The following ZNF717 variants were observed in gnomAD, a reference collection of about 807,000 sequenced individuals.
ZNF717 encodes the protein zinc finger protein 717.
Under a neutral mutation model 13.8 loss-of-function variants are expected in ZNF717, and 9 were observed. The ratio of observed to expected loss-of-function variants is 0.65; its 90% CI spans 0.39 to 1.14. The LOEUF (loss-of-function observed/expected upper bound fraction) is 1.14. Ranked by LOEUF, ZNF717 falls within the 50% of genes most tolerant of loss-of-function variation. The pLI is 0.01. For synonymous variants in ZNF717, 327 were observed against 364.1 expected (o/e 0.90, Z 1.16); for missense variants, 1,040 against 1,080.7 (o/e 0.96, Z 0.53).
At chr3:75,740,970 T>TC (rs1940342694) in intron 4 of ZNF717, among the ~76,000 whole-genome samples, 1 of 152,082 alleles carries the variant, frequency 6.6e-6, no homozygotes, top group African/African-American at 2.4e-5. Context: ...AAAAAAATTT[T>TC]TAAGATACTA....
intron 2 of ZNF717, among the ~76,000 whole-genome samples, chr3:75,771,845 C>T (rs1943912901): frequency 1.3e-5 from 2 of 152,278 alleles, no homozygotes; most frequent in Admixed American, 6.5e-5. Context: ...CCTGCCCCTG[C>T]AGGCTCAGTC....
intron 4 of ZNF717, among the ~76,000 whole-genome samples, chr3:75,719,840 C>A (rs1465409721): frequency 6.6e-6 from 1 of 152,114 alleles, no homozygotes; most frequent in African/African-American, 2.4e-5. Flanking sequence ...TGTCTGTAAT[C>A]CCAGCTACTC....
intron 2 of ZNF717, among the ~76,000 whole-genome samples, chr3:75,771,950 G>A (rs62268133): frequency 0.15 from 23,407 of 151,256 alleles, 614 homozygotes; most frequent in African/African-American, 0.17. Flanking sequence ...GTCGCAACCC[G>A]GCCCGGTGTG....
chr3:75,713,773 G>A (rs1401740641), intron 5 of ZNF717, among the ~76,000 whole-genome samples: 19 of 152,188 alleles, frequency 1.2e-4, no homozygotes, highest in African/African-American at 4.3e-4. Context: ...AGAAAAGACA[G>A]CTGGGCCCAG....
chr3:75,710,868 G>C (rs80306656), exon 6 of ZNF717: 1 of 152,012 alleles, frequency 6.6e-6, no homozygotes, highest in South Asian at 2.1e-4. Context: ...TACTAACAGA[G>C]GCATTATAGT....
chr3:75,740,570 AT>A (rs63657763), intron 4 of ZNF717, among the ~76,000 whole-genome samples: 84,990 of 125,064 alleles, frequency 0.68, 26,157 homozygotes, highest in South Asian at 0.77. Context: ...GTACTCAGCT[AT>A]TTTTTTTTTT....
intron 5 of ZNF717, among the ~76,000 whole-genome samples, chr3:75,715,547 A>G (rs73841550): frequency 7.2e-5 from 11 of 152,216 alleles, no homozygotes. Context: ...GTATTCTGTC[A>G]TTGTACACAA....
chr3:75,773,757 C>A (rs79915476), intron 2 of ZNF717, among the ~76,000 whole-genome samples: 13,929 of 78,304 alleles, frequency 0.18, 672 homozygotes, highest in African/African-American at 0.29. Flanking sequence ...CTATCTTTAA[C>A]AAAAAAAAAT....
chr3:75,722,569 C>T (rs150867861), intron 4 of ZNF717, among the ~76,000 whole-genome samples: 1 of 152,088 alleles, frequency 6.6e-6, no homozygotes, highest in Non-Finnish European at 1.5e-5. Flanking sequence ...AATCCCAGCA[C>T]TTTCAGAGGC....
At chr3:75,697,925 A>T (rs1459401149) in intron 6 of ZNF717, among the ~76,000 whole-genome samples, 3 of 152,304 alleles carry the variant, frequency 2.0e-5, no homozygotes, top group African/African-American at 4.8e-5. Context: ...GGCTGGGCTG[A>T]GGAGGTCTCA....
Position 75,741,282 on chromosome 3 carries a change from G to A in ZNF717, c.271C>T (p.Leu91Phe). The A allele has an allele frequency of 1.8e-5, 28 of 1,541,544 alleles. No homozygotes were observed. The highest frequency in any genetic ancestry group is 2.5e-5 in the Non-Finnish European group (28 of 1,137,986). ...CTGGTATTCACTGACTGACCTGAAA[G>A]TCTCAGGTTTGGGGTTTCTTCTACT... ...WIVEETPNLR[L>F]SAVQIIDDLI... The change falls in exon 4 of 5, where the codon CTT becomes TTT. Residue 91 changes from leucine to phenylalanine, a missense_variant. Leu to Phe is a conservative substitution (Grantham distance 22). Coordinates refer to ENST00000652011, the MANE Select transcript of ZNF717 (RefSeq NM_001290208.3).
Position 75,737,937 on chromosome 3 carries a change from G to A in ZNF717, c.1686C>T (p.Pro562=), listed in dbSNP as rs1198183975. 3.7e-5 allele frequency: 58 copies of A among 1,551,124 alleles called. No homozygotes were observed. The African/African-American group carries it at 6.4e-4, about 17-fold the overall frequency. Residue 562 remains proline (P), a synonymous_variant, in exon 5 of 5, where the codon CCC becomes CCT. Coordinates refer to ENST00000652011, the MANE Select transcript of ZNF717 (RefSeq NM_001290208.3). The part of the protein sequence containing the change: ...VHHRTHTGEK[P]YECNECGKSF... Reference sequence around the variant, plus strand: ...ATTTTCCACATTCATTACATTCATAGGGTTTTTCCCCTGTGTGAGTTCTGT... The same window carrying A: ...ATTTTCCACATTCATTACATTCATAAGGTTTTTCCCCTGTGTGAGTTCTGT...
chr3:75,700,781 A>T (rs1937677788), intron 6 of ZNF717, among the ~76,000 whole-genome samples: 1 of 152,286 alleles, frequency 6.6e-6, no homozygotes, highest in Non-Finnish European at 1.5e-5. Flanking sequence ...CACATACAAA[A>T]ATCAAATTAA....
chr3:75,784,357 C>T (rs1317611937), intron 1 of ZNF717, among the ~76,000 whole-genome samples: 4 of 152,150 alleles, frequency 2.6e-5, no homozygotes, highest in Non-Finnish European at 5.9e-5. Context: ...AACTGTTACA[C>T]CTAAGTGAAC....
chr3:75,704,769 C>T (rs879375531), downstream of ZNF717, among the ~76,000 whole-genome samples: 2 of 152,222 alleles, frequency 1.3e-5, no homozygotes, highest in South Asian at 2.1e-4. Context: ...AGGAAAGAGG[C>T]CCCAAACAGT....
At chr3:75,706,728 T>A (rs1300914876), downstream of ZNF717, among the ~76,000 whole-genome samples, 2 of 152,240 alleles carry the variant, frequency 1.3e-5, no homozygotes, top group Admixed American at 6.5e-5. Flanking sequence ...ATTGGACTAT[T>A]AGCTATCGAG....
chr3:75,730,490 G>A (rs1467879872), exon 6 of ZNF717: 22 of 552,142 alleles, frequency 4.0e-5, no homozygotes, highest in African/African-American at 1.9e-4. Context: ...AAAAATAAAA[G>A]AACAATATGA....
downstream of ZNF717, among the ~76,000 whole-genome samples, chr3:75,725,203 T>G (rs1159109646): frequency 6.6e-6 from 1 of 152,190 alleles, no homozygotes; most frequent in Admixed American, 6.5e-5. Flanking sequence ...CATGTTTCCA[T>G]CAGCCTGCAC....
downstream of ZNF717, among the ~76,000 whole-genome samples, chr3:75,709,332 G>A (rs527629245): frequency 2.0e-5 from 3 of 152,124 alleles, no homozygotes; most frequent in African/African-American, 7.2e-5. Context: ...GAACTCACAT[G>A]AACTCTGGGT....
Sources: allele counts gnomAD v4.1 joint callset (sites outside exome capture counted in the v4.1 genomes callset), GRCh38; gene constraint gnomAD v4.1.1; transcripts MANE v1.5; gene names NCBI Gene and HGNC (gene_info 2026-07-23, HGNC 2026-07-21).